UCHL5: variants seen among roughly 807,000 people sequenced by gnomAD.
UCHL5 encodes the protein ubiquitin carboxyl-terminal hydrolase isozyme L5.
A neutral mutation model predicts 53.8 loss-of-function variants in UCHL5; 34 were observed. The ratio of observed to expected loss-of-function variants is 0.63; its 90% CI spans 0.48 to 0.84. The LOEUF is 0.84. Among genes scored for constraint, UCHL5 ranks in the 40% least tolerant of loss-of-function variants. The probability of loss-of-function intolerance (pLI) is 0.00; values close to 1 mark genes in which losing one functional copy is unlikely to be tolerated. For synonymous variants in UCHL5, 111 were observed against 126.3 expected (o/e 0.88, Z 0.81); for missense variants, 290 against 385.6 (o/e 0.75, Z 2.08).
At chr1:193,022,821 T>G in intron 9 of UCHL5, 105 bp downstream of exon 9, 1 of 707,342 alleles carries the variant, frequency 1.4e-6, no homozygotes, top group African/African-American at 1.8e-5. Flanking sequence ...ATTTGAAATC[T>G]GGTAAATGAT....
At chr1:193,046,482 G>A (rs1170204096) in intron 3 of UCHL5, among the ~76,000 whole-genome samples, 2 of 151,924 alleles carry the variant, frequency 1.3e-5, no homozygotes, top group South Asian at 2.1e-4. Context: ...CACAGTGCCT[G>A]GGTTTGCACC....
intron 7 of UCHL5, among the ~76,000 whole-genome samples, chr1:193,025,298 A>G (rs1185250347): frequency 2.6e-5 from 4 of 152,258 alleles, no homozygotes; most frequent in Non-Finnish European, 4.4e-5. Flanking sequence ...CAGTAAAAGC[A>G]GAATAGAGAG....
rs1298554110 is a variant in UCHL5 at position 193,015,555 on chromosome 1, C to G, written c.*796G>C. 1 of 151,936 alleles carries G rather than the reference C, an allele frequency of 6.6e-6. No individual in the cohort carries two copies. The highest frequency in any genetic ancestry group is 2.4e-5 in the African/African-American group (1 of 41,404). 9.4% of individuals were successfully genotyped at this position (151,936 alleles called of 1,614,324 possible). ...CACCACTACCATCTTTTTAAAAAAGCAGATAACATGAACTGTCAGACCTCC... is the reference window on the plus strand; with the variant it reads ...CACCACTACCATCTTTTTAAAAAAGGAGATAACATGAACTGTCAGACCTCC... On this transcript the variant is annotated 3_prime_UTR_variant, in exon 11 of 11. Transcript: ENST00000367454.
upstream of UCHL5, chr1:193,059,675 C>T (rs1263563249): frequency 3.7e-6 from 5 of 1,369,222 alleles, no homozygotes; most frequent in Non-Finnish European, 4.9e-6. The surrounding 1 kb of genome is among the most constrained non-coding windows in gnomAD (Gnocchi z 4.9). Flanking sequence ...GTTGCTGTGG[C>T]TGTCGCTGCC....
At chr1:193,055,572 G>A (rs1670367801) in intron 1 of UCHL5, among the ~76,000 whole-genome samples, 1 of 152,220 alleles carries the variant, frequency 6.6e-6, no homozygotes, top group Non-Finnish European at 1.5e-5. Context: ...CTGGCAAGCA[G>A]GATAAAATCT....
At chr1:193,024,627 T>C (rs1425753370) in intron 7 of UCHL5, among the ~76,000 whole-genome samples, 1 of 149,574 alleles carries the variant, frequency 6.7e-6, no homozygotes, top group African/African-American at 2.4e-5. Flanking sequence ...TATATAATTA[T>C]ATCGTATAGT....
intron 1 of UCHL5, among the ~76,000 whole-genome samples, chr1:193,056,575 C>G (rs1260235738): frequency 6.6e-6 from 1 of 152,102 alleles, no homozygotes; most frequent in African/African-American, 2.4e-5. Context: ...ATGTGTGGAC[C>G]ATACCAATTA....
In UCHL5 at chr1:193,014,236, T is replaced by C. The variant is rs1654567506; in HGVS notation, c.*2115A>G. Reference sequence around the variant, plus strand: ...ATAGCACCCAGACAAGTCACACTTCTTTATTCACAGACAGAAGTAATCATG... The same window carrying C: ...ATAGCACCCAGACAAGTCACACTTCCTTATTCACAGACAGAAGTAATCATG... On this transcript the variant is annotated 3_prime_UTR_variant, in exon 11 of 11. Transcript: ENST00000367454. The C allele has an allele frequency of 6.6e-6, 1 of 152,148 alleles. No individual in the cohort carries two copies. The highest frequency in any genetic ancestry group is 2.4e-5 in the African/African-American group (1 of 41,428). The allele number at this position is 152,148 out of a possible 1,614,324, so 9.4% of individuals were successfully genotyped here. A position where few individuals can be genotyped will look rare whatever the true frequency, so the allele number is the denominator to read the frequency against.
chr1:193,013,086 A>T lies in UCHL5; in HGVS notation c.*3265T>A, dbSNP rs931239273. ...TCCAGTTTGTCTGTTTTAGGCATTT[A>T]GGCATAGAAGGTTTAACTTTTCTGC... On this transcript the variant is annotated 3_prime_UTR_variant, in exon 11 of 11. Transcript: ENST00000367454. 1.3e-5 allele frequency: 2 copies of T among 152,216 alleles called. No homozygotes were observed. The highest frequency in any genetic ancestry group is 4.8e-5 in the African/African-American group (2 of 41,460). 9.4% of individuals were successfully genotyped at this position (152,216 alleles called of 1,614,324 possible).
At chr1:193,027,340 A>G (rs1313348418) in intron 7 of UCHL5, among the ~76,000 whole-genome samples, 1 of 152,234 alleles carries the variant, frequency 6.6e-6, no homozygotes, top group Non-Finnish European at 1.5e-5. Flanking sequence ...AATATTAAAA[A>G]TAAACCCTCA....
chr1:193,018,820 C>T (rs755562805), intron 10 of UCHL5: 1 of 1,563,352 alleles, frequency 6.4e-7, no homozygotes, highest in South Asian at 1.2e-5. Flanking sequence ...TCCTATTTTC[C>T]CTGAAAACAA....
At chr1:193,022,686 A>G (rs1185180301) in intron 9 of UCHL5, among the ~76,000 whole-genome samples, 1 of 151,860 alleles carries the variant, frequency 6.6e-6, no homozygotes, top group African/African-American at 2.4e-5. Context: ...AAAAAAAGGA[A>G]TAATAACTAC....
intron 3 of UCHL5, among the ~76,000 whole-genome samples, chr1:193,033,371 T>C (rs1054281336): frequency 6.6e-6 from 1 of 151,860 alleles, no homozygotes; most frequent in African/African-American, 2.4e-5. Flanking sequence ...ACACCGGGGC[T>C]TGTCGGGGGG....
At chr1:193,039,035 TG>T (rs1664627037) in intron 3 of UCHL5, among the ~76,000 whole-genome samples, 1 of 152,226 alleles carries the variant, frequency 6.6e-6, no homozygotes, top group East Asian at 1.9e-4. Context: ...AAAAATCAGC[TG>T]CTATTATATA....
intron 1 of UCHL5, among the ~76,000 whole-genome samples, chr1:193,055,007 A>G (rs1670168140): frequency 1.3e-5 from 2 of 152,244 alleles, no homozygotes; most frequent in African/African-American, 4.8e-5. Flanking sequence ...TTATAAAGAC[A>G]CAAATTAAAC....
intron 3 of UCHL5, among the ~76,000 whole-genome samples, chr1:193,042,583 A>G (rs896334631): frequency 6.6e-6 from 1 of 152,198 alleles, no homozygotes; most frequent in Non-Finnish European, 1.5e-5. Context: ...AATTCTATTC[A>G]CATCTGTCTT....
intron 3 of UCHL5, chr1:193,049,536 T>C: frequency 2.5e-6 from 1 of 398,624 alleles, no homozygotes; most frequent in Non-Finnish European, 4.5e-6. Context: ...AGTTTTAATG[T>C]CTAATATGGC....
At chr1:193,055,083 G>C (rs1670194161) in intron 1 of UCHL5, among the ~76,000 whole-genome samples, 1 of 152,210 alleles carries the variant, frequency 6.6e-6, no homozygotes, top group African/African-American at 2.4e-5. Context: ...TGGCTATTTA[G>C]TGTAGAAAGA....
chr1:193,027,309 T>G (rs1378157702), intron 7 of UCHL5, among the ~76,000 whole-genome samples: 1 of 152,048 alleles, frequency 6.6e-6, no homozygotes, highest in Non-Finnish European at 1.5e-5. Context: ...GAATATACAA[T>G]TACCCCAAAA....
Sources: gnomAD v4.1 joint callset for allele counts (sites outside exome capture counted in the v4.1 genomes callset) on GRCh38, gnomAD v4.1.1 for gene constraint, Gnocchi (gnomAD v3.1) non-coding constraint, MANE v1.5 for transcripts, NCBI Gene and HGNC (gene_info 2026-07-23, HGNC 2026-07-21) for gene names.